The following MYOZ3 variants were observed in gnomAD, a reference collection of about 807,000 sequenced individuals.
The protein encoded by MYOZ3 is myozenin-3.
Under a neutral mutation model 26.5 loss-of-function variants are expected in MYOZ3, and 19 were observed. That is an observed-to-expected ratio of 0.72 (90% CI 0.50 to 1.05). The LOEUF (loss-of-function observed/expected upper bound fraction) is 1.05. Among genes scored for constraint, MYOZ3 ranks in the 50% least tolerant of loss-of-function variants. The probability of loss-of-function intolerance (pLI) is 0.00; values close to 1 mark genes in which losing one functional copy is unlikely to be tolerated. For synonymous variants in MYOZ3, 135 were observed against 138.8 expected (o/e 0.97, Z 0.19); for missense variants, 322 against 337.1 (o/e 0.96, Z 0.35).
Position 150,672,035 on chromosome 5 carries a change from C to T in MYOZ3, c.424+127C>T, listed in dbSNP as rs2151448288. 7 of 1,338,704 alleles carry T rather than the reference C, an allele frequency of 5.2e-6. No homozygotes were observed. In the South Asian group the frequency reaches 9.8e-5, roughly 19 times the overall value. The allele number at this position is 1,338,704 out of a possible 1,614,324, so 82.9% of individuals were successfully genotyped here. A position where few individuals can be genotyped will look rare whatever the true frequency, so the allele number is the denominator to read the frequency against. On this transcript the variant is annotated intron_variant, in intron 5 of 6. Coordinates refer to ENST00000517768, the MANE Select transcript of MYOZ3 (RefSeq NM_001122853.3). ...CTTCCCCAACACACACGCGCACGCG[C>T]GCACTCCCCTCGCCAGACCACGAGC...
intron 2 of MYOZ3, among the ~76,000 whole-genome samples, chr5:150,667,425 G>A (rs1758826830): frequency 1.3e-5 from 2 of 152,090 alleles, no homozygotes; most frequent in South Asian, 4.2e-4. Context: ...GCTTGCATCT[G>A]CACCCGTGTT....
intron 3 of MYOZ3, 128 bp downstream of exon 3, chr5:150,670,766 A>G (rs2151447469): frequency 1.2e-6 from 1 of 833,912 alleles, no homozygotes; most frequent in Non-Finnish European, 1.8e-6. Flanking sequence ...CCTGCCTTTC[A>G]GTGTGATCCT....
chr5:150,668,424 T>TCTTTA (rs1373268984), intron 2 of MYOZ3, among the ~76,000 whole-genome samples: 1 of 152,248 alleles, frequency 6.6e-6, no homozygotes, highest in African/African-American at 2.4e-5. Flanking sequence ...GATGCCATCC[T>TCTTTA]CTTTAGTTTC....
rs1561672913 is a variant in MYOZ3, at chr5:150,676,705, A to G, written c.588-2A>G. ...ACCTCTCCTGCTGCTCTCTTTCTCC[A>G]GGACCCCGGTGCCATTTGGAGGACC... On this transcript the variant is annotated splice_acceptor_variant, in intron 6 of 6. Transcript: ENST00000517768. LOFTEE classifies it high-confidence loss of function. 6.2e-7 allele frequency: 1 copy of G among 1,613,322 alleles called. No homozygotes were observed. The highest frequency in any genetic ancestry group is 2.2e-5 in the East Asian group (1 of 44,870).
chr5:150,674,920 G>C lies in MYOZ3; in HGVS notation c.588-1787G>C, dbSNP rs573889665. On this transcript the variant is annotated intron_variant, in intron 6 of 6. Coordinates refer to ENST00000517768, the MANE Select transcript of MYOZ3 (RefSeq NM_001122853.3). ...AGCTACTCAGGAGGCTGAGGTGGGA[G>C]AATCGCTTGAACCTGGGAGGCGGAG... is the stretch of plus-strand genomic sequence containing the variant. 4.6e-5 allele frequency among the ~76,000 whole-genome samples: 7 copies of C among 152,268 alleles called. No homozygotes were observed. The East Asian group carries it at 1.4e-3, about 29-fold the overall frequency.
chr5:150,665,998 G>GCAC (rs1410338352), intron 2 of MYOZ3, among the ~76,000 whole-genome samples: 1 of 144,542 alleles, frequency 6.9e-6, no homozygotes, highest in Non-Finnish European at 1.5e-5. Context: ...TCATGCCATT[G>GCAC]CACTCCAGCC....
rs558821702 is a variant in MYOZ3, at chr5:150,664,797, T to TAA, written c.61+1804_61+1805dup. On this transcript the variant is annotated intron_variant, in intron 2 of 6. Transcript: ENST00000517768. ...GTTACAATGATAATACATCACTTTTTAAAAAAAAAATTCACTTGCCATTGA... is the reference window on the plus strand; with the variant it reads ...GTTACAATGATAATACATCACTTTTTAAAAAAAAAAAATTCACTTGCCATTGA... Among the ~76,000 whole-genome samples, 355 of 150,898 alleles carry TAA rather than the reference T, an allele frequency of 2.4e-3. 1 individual carries two copies. Among genetic ancestry groups the TAA allele is most frequent in the African/African-American group, 8.1e-3 (335 of 41,150 alleles).
chr5:150,669,019 T>C (rs775536565), intron 2 of MYOZ3: 1 of 152,100 alleles, frequency 6.6e-6, no homozygotes, highest in Non-Finnish European at 1.5e-5. Flanking sequence ...TGCCTACAAG[T>C]CTCCTCAAAC....
chr5:150,670,539 G>T lies in MYOZ3; in HGVS notation c.117G>T (p.Glu39Asp). The change falls in exon 3 of 7, where the codon GAG becomes GAT. Residue 39 changes from glutamate to aspartate, a missense_variant. Transcript: ENST00000517768. ...GCGTGCCCCAGGACCTGATGATGGA[G>T]GAGCTGTCACTACGCAACAACAGAG... ...KLSVPQDLMM[E>D]ELSLRNNRGS... 2.5e-6 allele frequency: 4 copies of T among 1,613,314 alleles called. No individual in the cohort carries two copies. Among genetic ancestry groups the T allele is most frequent in the Non-Finnish European group, 3.4e-6 (4 of 1,179,684 alleles).
rs374708369 is a variant in MYOZ3 at position 150,671,516 on chromosome 5, C to CT, written c.217-72dup. The CT allele has an allele frequency of 3.1e-3, 4,324 of 1,416,770 alleles. 9 individuals are homozygous for CT. Among genetic ancestry groups the CT allele is most frequent in the Middle Eastern group, 4.8e-3 (26 of 5,446 alleles). 87.8% of individuals were successfully genotyped at this position (1,416,770 alleles called of 1,614,324 possible). A position where few individuals can be genotyped will look rare whatever the true frequency, so the allele number is the denominator to read the frequency against. On this transcript the variant is annotated intron_variant, in intron 3 of 6. Coordinates refer to ENST00000517768, the MANE Select transcript of MYOZ3 (RefSeq NM_001122853.3). ...GTTAGGATTCTTGCCTCCCCCCGAC[C>CT]TTTTTTTTTGGTGGAGGGAGAACCC... is the stretch of plus-strand genomic sequence containing the variant.
At chr5:150,676,301 T>C (rs1340366377) in intron 6 of MYOZ3, among the ~76,000 whole-genome samples, 1 of 152,028 alleles carries the variant, frequency 6.6e-6, no homozygotes, top group Non-Finnish European at 1.5e-5. Context: ...ATCCCAGCAC[T>C]TTGGGAGGCC....
Position 150,677,090 on chromosome 5 carries a change from C to A in MYOZ3, c.*215C>A, listed in dbSNP as rs1403020082. The A allele has an allele frequency of 2.7e-5, 14 of 528,234 alleles. No individual in the cohort carries two copies. Among genetic ancestry groups the A allele is most frequent in the Non-Finnish European group, 3.7e-5 (11 of 296,034 alleles). 32.7% of individuals were successfully genotyped at this position (528,234 alleles called of 1,614,324 possible). ...TCCAAATCCAGACAACTGGACTGTC[C>A]CAGACTTGCAGCATCAGAGTCTCCT... On this transcript the variant is annotated 3_prime_UTR_variant, in exon 7 of 7. Transcript: ENST00000517768.
chr5:150,676,983 C>G lies in MYOZ3; in HGVS notation c.*108C>G, dbSNP rs1170479633. On this transcript the variant is annotated 3_prime_UTR_variant, in exon 7 of 7. Coordinates refer to ENST00000517768, the MANE Select transcript of MYOZ3 (RefSeq NM_001122853.3). ...GAAGAAGGGCCTTCACACACAAAAC[C>G]TGATTGCAAATGGCTTCAGAGGTCA... 9 of 1,169,676 alleles carry G rather than the reference C, an allele frequency of 7.7e-6. No homozygotes were observed. The East Asian group carries it at 1.9e-4, about 25-fold the overall frequency. The allele number at this position is 1,169,676 out of a possible 1,614,324, so 72.5% of individuals were successfully genotyped here. A position where few individuals can be genotyped will look rare whatever the true frequency, so the allele number is the denominator to read the frequency against.
chr5:150,673,286 TAA>T (rs1452118595), intron 6 of MYOZ3: 1 of 152,160 alleles, frequency 6.6e-6, no homozygotes, highest in Non-Finnish European at 1.5e-5. Flanking sequence ...AAGCCATAGG[TAA>T]AGTTTCTGGC....
At chr5:150,661,811 G>A (rs1047978285) in intron 1 of MYOZ3, among the ~76,000 whole-genome samples, 4 of 152,158 alleles carry the variant, frequency 2.6e-5, no homozygotes, top group Non-Finnish European at 5.9e-5. Flanking sequence ...GGTTGTGATC[G>A]AGGCATTCTC....
chr5:150,663,048 C>T (rs772744347), intron 2 of MYOZ3, 46 bp downstream of exon 2: 80 of 1,533,006 alleles, frequency 5.2e-5, no homozygotes, highest in Non-Finnish European at 7.0e-5. Flanking sequence ...CCATCATTTC[C>T]TTGCTCCCAG....
At position 150,679,144 on chromosome 5, in the gene MYOZ3, A is replaced by G. The variant is rs1193195338; in HGVS notation, c.*2269A>G. ...CCATGAGCTGAAGACCAGCCATTCA[A>G]GAATCTGAAAAGTAGACAAGAGGAC... On this transcript the variant is annotated 3_prime_UTR_variant, in exon 7 of 7. Coordinates refer to ENST00000517768, the MANE Select transcript of MYOZ3 (RefSeq NM_001122853.3). 2 of 152,346 alleles carry G rather than the reference A, an allele frequency of 1.3e-5. No homozygotes were observed. The highest frequency in any genetic ancestry group is 2.9e-5 in the Non-Finnish European group (2 of 68,040). The allele number at this position is 152,346 out of a possible 1,614,324, so 9.4% of individuals were successfully genotyped here. A position where few individuals can be genotyped will look rare whatever the true frequency, so the allele number is the denominator to read the frequency against.
At position 150,672,343 on chromosome 5, in the gene MYOZ3, A is replaced by G. The variant is rs1392908507; in HGVS notation, c.428A>G (p.Tyr143Cys). The G allele has an allele frequency of 6.2e-7, 1 of 1,604,878 alleles. No homozygotes were observed. The highest frequency in any genetic ancestry group is 1.1e-5 in the South Asian group (1 of 89,516). ...VPSPSALAPG[Y>C]AEPLKGVPPE... ...TCCCTTCCCCCCGCGCCCCTAGGCT[A>G]TGCGGAGCCGCTGAAGGGCGTCCCG... is the stretch of plus-strand genomic sequence containing the variant. Residue 143 changes from tyrosine (Y) to cysteine (C), a missense_variant, in exon 6 of 7, where the codon TAT (tyrosine) becomes TGT (cysteine). Coordinates refer to ENST00000517768, the MANE Select transcript of MYOZ3 (RefSeq NM_001122853.3).
At position 150,676,920 on chromosome 5, in the gene MYOZ3, C is replaced by T. The variant is rs377663921; in HGVS notation, c.*45C>T. On this transcript the variant is annotated 3_prime_UTR_variant, in exon 7 of 7. Transcript: ENST00000517768. Reference sequence around the variant, plus strand: ...TTCCCCAGTCTCGGGGGCCTGGTAACATCCGGAGCCAAGACTTGTGGACAG... The same window carrying T: ...TTCCCCAGTCTCGGGGGCCTGGTAATATCCGGAGCCAAGACTTGTGGACAG... The T allele has an allele frequency of 1.1e-4, 176 of 1,566,030 alleles. No homozygotes were observed. Among genetic ancestry groups the T allele is most frequent in the Non-Finnish European group, 1.5e-4 (174 of 1,155,040 alleles).
Sources: allele counts gnomAD v4.1 joint callset (sites outside exome capture counted in the v4.1 genomes callset), GRCh38; gene constraint gnomAD v4.1.1; transcripts MANE v1.5; gene names NCBI Gene and HGNC (gene_info 2026-07-23, HGNC 2026-07-21).